The following LNX2 variants were observed in gnomAD, a reference collection of about 807,000 sequenced individuals.
LNX2 encodes ligand of Numb protein X 2.
In LNX2, 35 loss-of-function variants were observed where a neutral mutation model predicts 66.2. The ratio of observed to expected loss-of-function variants is 0.53; its 90% CI spans 0.40 to 0.70. LNX2 has a LOEUF of 0.70. Among genes scored for constraint, LNX2 ranks in the 30% least tolerant of loss-of-function variants. The pLI is 0.00. For synonymous variants in LNX2, 337 were observed against 315.6 expected (o/e 1.07, Z -0.72); for missense variants, 791 against 850.8 (o/e 0.93, Z 0.87).
At position 27,583,243 on chromosome 13, in the gene LNX2, T is replaced by TGC. The variant is rs1254198656; in HGVS notation, c.-100-1441_-100-1440insGC. On this transcript the variant is annotated intron_variant, in intron 1 of 9. Transcript: ENST00000316334. Reference sequence around the variant, plus strand: ...GTGTGTGTGTGTGTGTGTGTGTGTGTGTGTGTGTGTGTGCGCGCGTCCTCT... The same window carrying TGC: ...GTGTGTGTGTGTGTGTGTGTGTGTGTGCGTGTGTGTGTGTGCGCGCGTCCTCT... Among the ~76,000 whole-genome samples the TGC allele has an allele frequency of 5.4e-3, 117 of 21,686 alleles. 34 individuals carry two copies. Among genetic ancestry groups the TGC allele is most frequent in the Non-Finnish European group, 8.4e-3 (97 of 11,512 alleles). The allele number at this position is 21,686 out of a possible 152,430, so 14.2% of individuals were successfully genotyped here.
chr13:27,560,565 G>GTGTGTATGTGTATATATATATATA (rs35007288), intron 5 of LNX2, among the ~76,000 whole-genome samples: 2,997 of 119,920 alleles, frequency 0.025, 63 homozygotes, highest in East Asian at 0.043. Context: ...ATGTATGTGT[G>GTGTGTATGTGTATATATATATATA]TATATATATA....
intron 5 of LNX2, 22 bp from the exon 6 acceptor site, chr13:27,560,007 T>C: frequency 6.4e-7 from 1 of 1,558,752 alleles, no homozygotes. Flanking sequence ...ACAAATACAT[T>C]ACCATAAGTG....
intron 4 of LNX2, 107 bp downstream of exon 4, chr13:27,567,533 A>G (rs1273235077): frequency 2.4e-6 from 2 of 837,814 alleles, no homozygotes; most frequent in Non-Finnish European, 3.9e-6. Context: ...AAACAGTAAA[A>G]CTAATCTATA....
chr13:27,595,441 G>A (rs983778023), intron 1 of LNX2, among the ~76,000 whole-genome samples: 1 of 151,518 alleles, frequency 6.6e-6, no homozygotes, highest in Admixed American at 6.6e-5. Flanking sequence ...TGAGTATGTG[G>A]TTAATAATAA....
intron 1 of LNX2, among the ~76,000 whole-genome samples, chr13:27,606,126 A>C (rs1955712722): frequency 6.6e-6 from 1 of 152,214 alleles, no homozygotes; most frequent in South Asian, 2.1e-4. Context: ...ATTTCCAATT[A>C]GCAAACAGAT....
At chr13:27,572,360 A>C (rs1955292071) in intron 2 of LNX2, among the ~76,000 whole-genome samples, 1 of 152,208 alleles carries the variant, frequency 6.6e-6, no homozygotes. Context: ...TTAAACAAAA[A>C]CAATAGAACA....
chr13:27,599,897 C>T (rs532051174), intron 1 of LNX2, among the ~76,000 whole-genome samples: 56 of 152,180 alleles, frequency 3.7e-4, no homozygotes, highest in South Asian at 1.9e-3. Flanking sequence ...AAGAGCATTA[C>T]GCCAATCCTG....
At chr13:27,581,249 C>A in intron 2 of LNX2, 48 bp downstream of exon 2, 4 of 1,413,364 alleles carry the variant, frequency 2.8e-6, no homozygotes, top group South Asian at 1.7e-5. Context: ...TCATTTGAAC[C>A]ACCTTTTTCC....
chr13:27,613,694 G>A (rs1199770038), intron 1 of LNX2, among the ~76,000 whole-genome samples: 1 of 152,138 alleles, frequency 6.6e-6, no homozygotes, highest in Non-Finnish European at 1.5e-5. Context: ...CTTGAACCTG[G>A]GAGGTAGAGG....
rs1231206224 is a variant in LNX2, at chr13:27,569,156, T to C, written c.528A>G (p.Pro176=). The C allele has an allele frequency of 1.2e-6, 2 of 1,612,570 alleles. No individual in the cohort carries two copies. Among genetic ancestry groups the C allele is most frequent in the Non-Finnish European group, 1.7e-6 (2 of 1,179,568 alleles). ...TLLDPAGTLS[P]EADCLGTGAV... is the part of the protein sequence containing the mutation. ...CGCCTGTCCCCAAACAGTCTGCTTC[T>C]GGAGATAAGGTACCTGCAGGATCTA... Residue 176 remains proline, a synonymous_variant, in exon 3 of 10, where the codon CCA becomes CCG. Coordinates refer to ENST00000316334, the MANE Select transcript of LNX2 (RefSeq NM_153371.4).
At chr13:27,583,055 A>C (rs1955420152) in intron 1 of LNX2, among the ~76,000 whole-genome samples, 1 of 152,076 alleles carries the variant, frequency 6.6e-6, no homozygotes, top group African/African-American at 2.4e-5. Flanking sequence ...ATTTTATTCC[A>C]CTAAAAGAAA....
At position 27,560,005 on chromosome 13, in the gene LNX2, A is replaced by AT. The variant is rs772099655; in HGVS notation, c.1225-21dup. 839 of 1,572,736 alleles carry AT rather than the reference A, an allele frequency of 5.3e-4. 1 individual carries two copies. Among genetic ancestry groups the AT allele is most frequent in the Non-Finnish European group, 6.9e-4 (797 of 1,157,962 alleles). ...ACTGGCCTGGAGAAAACACAAATACATTACCATAAGTGACTAATGATGTTT... is the reference window on the plus strand; with the variant it reads ...ACTGGCCTGGAGAAAACACAAATACATTTACCATAAGTGACTAATGATGTTT... On this transcript the variant is annotated intron_variant, in intron 5 of 9. Transcript: ENST00000316334.
chr13:27,619,091 T>G (rs1229869884), intron 1 of LNX2, among the ~76,000 whole-genome samples: 1 of 152,198 alleles, frequency 6.6e-6, no homozygotes, highest in Non-Finnish European at 1.5e-5. Flanking sequence ...TCAAAGTTGA[T>G]GAGAGAAACA....
intron 2 of LNX2, among the ~76,000 whole-genome samples, chr13:27,580,224 A>G (rs1955382507): frequency 6.6e-6 from 1 of 152,218 alleles, no homozygotes; most frequent in Non-Finnish European, 1.5e-5. Flanking sequence ...TTAGAATAGT[A>G]AACAAGAACA....
chr13:27,580,390 C>G (rs1955383897), intron 2 of LNX2, among the ~76,000 whole-genome samples: 1 of 152,112 alleles, frequency 6.6e-6, no homozygotes, highest in South Asian at 2.1e-4. Context: ...ACTCTTACAT[C>G]TAAGTCCAGT....
intron 1 of LNX2, among the ~76,000 whole-genome samples, chr13:27,594,969 T>C (rs1216510582): frequency 3.3e-5 from 5 of 152,182 alleles, no homozygotes; most frequent in Non-Finnish European, 5.9e-5. Context: ...CATGATACTA[T>C]TTTCCCTGCC....
At chr13:27,549,061 T>C (rs1400329366) in intron 9 of LNX2, among the ~76,000 whole-genome samples, 1 of 152,216 alleles carries the variant, frequency 6.6e-6, no homozygotes, top group Non-Finnish European at 1.5e-5. Flanking sequence ...TTTTTGGAAG[T>C]AGGAGGAATA....
intron 1 of LNX2, 88 bp from the exon 2 acceptor site, chr13:27,581,891 T>A: frequency 7.8e-6 from 1 of 127,978 alleles, no homozygotes; most frequent in East Asian, 7.8e-5. Flanking sequence ...ACTGGTTAGC[T>A]TTTTTTAGTA....
At chr13:27,586,612 A>G (rs1955489433) in intron 1 of LNX2, among the ~76,000 whole-genome samples, 1 of 152,238 alleles carries the variant, frequency 6.6e-6, no homozygotes, top group Non-Finnish European at 1.5e-5. Context: ...GAACAAAACT[A>G]CATCTATGTA....
Sources: allele counts gnomAD v4.1 joint callset (sites outside exome capture counted in the v4.1 genomes callset), GRCh38; gene constraint gnomAD v4.1.1; transcripts MANE v1.5; gene names NCBI Gene and HGNC (gene_info 2026-07-23, HGNC 2026-07-21).